Variants in DMD observed in about 807,000 individuals in gnomAD.
DMD encodes dystrophin, also known as mutant dystrophin.
In DMD, 63 loss-of-function variants were observed where a neutral mutation model predicts 330.1. The observed-to-expected ratio is 0.19, with a 90% CI of 0.16 to 0.24. The LOEUF (loss-of-function observed/expected upper bound fraction) is 0.24. Ranked by LOEUF, DMD falls within the 10% of genes least tolerant of loss-of-function variation. The pLI, the probability that DMD is intolerant of heterozygous loss-of-function variation, is 1.00. For synonymous variants in DMD, 1,223 were observed against 959.8 expected (o/e 1.27, Z -5.07); for missense variants, 3,344 against 2,684.1 (o/e 1.25, Z -5.43).
In DMD at chrX:32,579,744, G is replaced by A. The variant is rs1307701182; in HGVS notation, c.1603-5898C>T. On this transcript the variant is annotated intron_variant, in intron 13 of 78. Coordinates refer to ENST00000357033, the MANE Select transcript of DMD (RefSeq NM_004006.3). Reference sequence around the variant, plus strand: ...AATCATAAAACGTCAGCAAATACTTGCACTTCCAGATTAAGAACATGTGGC... The same window carrying A: ...AATCATAAAACGTCAGCAAATACTTACACTTCCAGATTAAGAACATGTGGC... Among the ~76,000 whole-genome samples the A allele has an allele frequency of 4.0e-4, 45 of 112,758 alleles. No individual in the cohort carries two copies. The Admixed American group carries it at 4.2e-3, about 11-fold the overall frequency.
intron 1 of DMD, among the ~76,000 whole-genome samples, chrX:33,199,598 G>A (rs775058350): frequency 4.5e-5 from 5 of 111,435 alleles, no homozygotes; most frequent in Non-Finnish European, 9.4e-5. Context: ...TAAGCTAGAG[G>A]TATAACTTGG....
intron 2 of DMD, among the ~76,000 whole-genome samples, chrX:33,019,383 T>C (rs1853158983): frequency 9.0e-6 from 1 of 111,657 alleles, no homozygotes; most frequent in African/African-American, 3.2e-5. Context: ...GCAATCAATA[T>C]ATACATATAC....
chrX:32,046,304 A>T (rs149598369), intron 44 of DMD, among the ~76,000 whole-genome samples: 1,147 of 112,558 alleles, frequency 0.01, 6 homozygotes, highest in Non-Finnish European at 0.014. Context: ...TCACTGGAAG[A>T]ACATGGATTC....
At chrX:31,597,265 T>C (rs1392659319) in intron 55 of DMD, among the ~76,000 whole-genome samples, 1 of 111,936 alleles carries the variant, frequency 8.9e-6, no homozygotes, top group Non-Finnish European at 1.9e-5. Context: ...GAAATAATAA[T>C]GGTGCTATGA....
At chrX:31,360,855 G>A (rs752615863) in intron 60 of DMD, among the ~76,000 whole-genome samples, 86 of 112,027 alleles carry the variant, frequency 7.7e-4, no homozygotes, top group South Asian at 1.5e-3. Context: ...CCATAGCTGG[G>A]GCAAAAACAA....
intron 44 of DMD, among the ~76,000 whole-genome samples, chrX:32,028,522 A>G (rs1246055803): frequency 8.9e-6 from 1 of 111,865 alleles, no homozygotes; most frequent in Admixed American, 9.5e-5. Context: ...AGACTTAGGC[A>G]GTACATGTTC....
intron 55 of DMD, among the ~76,000 whole-genome samples, chrX:31,520,995 A>G (rs1035737745): frequency 3.6e-5 from 4 of 110,910 alleles, no homozygotes. Flanking sequence ...GCTCTTTTCA[A>G]CTGAGAACAA....
In DMD at chrX:32,906,000, A is replaced by G. The variant is rs999568560; in HGVS notation, c.94-56180T>C. ...AGTGAATGAATGAATGAGTTAATGA[A>G]TAACTGTCTGATTGCTCAGAAAACG... On this transcript the variant is annotated intron_variant, in intron 2 of 78. Transcript: ENST00000357033. Among the ~76,000 whole-genome samples the G allele has an allele frequency of 2.4e-4, 27 of 112,252 alleles. No individual in the cohort carries two copies. In the Admixed American group the frequency reaches 2.4e-3, roughly 10 times the overall value.
intron 49 of DMD, among the ~76,000 whole-genome samples, chrX:31,823,026 T>C (rs949227009): frequency 6.3e-5 from 7 of 110,735 alleles, no homozygotes; most frequent in African/African-American, 2.3e-4. Flanking sequence ...AAAAATCAAA[T>C]GTTTAGCCAA....
chrX:31,478,264 T>C lies in DMD; in HGVS notation c.8779A>G (p.Arg2927Gly), dbSNP rs749687470. The C allele has an allele frequency of 8.3e-7, 1 of 1,211,636 alleles. No individual in the cohort carries two copies. Among genetic ancestry groups the C allele is most frequent in the Admixed American group, 2.2e-5 (1 of 45,982 alleles). ...CTTTCAAGGGTCTCATCTATTTTTC[T>C]CTGCCAGTCAGCGGAGTGCAGGTTC... ...KLNLHSADWQ[R>G]KIDETLERLR... The change falls in exon 59 of 79, where the codon AGA becomes GGA. Residue 2927 changes from arginine (R) to glycine (G), a missense_variant. Transcript: ENST00000357033.
intron 7 of DMD, among the ~76,000 whole-genome samples, chrX:32,755,475 G>C (rs1375382596): frequency 9.0e-6 from 1 of 111,640 alleles, no homozygotes; most frequent in African/African-American, 3.3e-5. Context: ...AATTCTAATA[G>C]ATGAAAAGTT....
chrX:31,148,494 C>G (rs2036997939), intron 74 of DMD, among the ~76,000 whole-genome samples: 1 of 112,307 alleles, frequency 8.9e-6, no homozygotes, highest in African/African-American at 3.2e-5. Flanking sequence ...CTATTATAAA[C>G]AATGATACAA....
intron 60 of DMD, among the ~76,000 whole-genome samples, chrX:31,359,747 C>T (rs992453272): frequency 1.8e-5 from 2 of 111,954 alleles, no homozygotes; most frequent in Non-Finnish European, 3.8e-5. Flanking sequence ...TAACTAACTA[C>T]TTGAAAGAAT....
intron 52 of DMD, among the ~76,000 whole-genome samples, chrX:31,690,075 T>C (rs1340353603): frequency 1.8e-5 from 2 of 111,814 alleles, no homozygotes; most frequent in African/African-American, 6.5e-5. Flanking sequence ...ACTTCATGTC[T>C]AAAACACCAA....
intron 71 of DMD, among the ~76,000 whole-genome samples, chrX:31,176,687 G>A (rs2040540163): frequency 1.8e-5 from 2 of 111,202 alleles, no homozygotes; most frequent in Non-Finnish European, 1.9e-5. Context: ...CCTGGGTTAG[G>A]AAACACAATT....
chrX:32,649,540 A>T (rs2059999392), intron 9 of DMD, among the ~76,000 whole-genome samples: 1 of 98,620 alleles, frequency 1.0e-5, no homozygotes, highest in Admixed American at 1.1e-4. Context: ...TGGGCAAAAC[A>T]GCAAGACTCC....
chrX:31,977,440 C>T (rs1001013597), intron 44 of DMD, among the ~76,000 whole-genome samples: 1 of 110,862 alleles, frequency 9.0e-6, no homozygotes, highest in Non-Finnish European at 1.9e-5. Context: ...CCTAGAAATA[C>T]GATAAAGAGG....
intron 12 of DMD, among the ~76,000 whole-genome samples, chrX:32,602,160 T>C (rs1012495959): frequency 1.1e-4 from 12 of 111,821 alleles, no homozygotes; most frequent in African/African-American, 3.9e-4. Flanking sequence ...TTACACTACA[T>C]TAATAAAAGT....
chrX:31,252,419 G>T (rs1439561386), intron 63 of DMD, among the ~76,000 whole-genome samples: 3 of 111,916 alleles, frequency 2.7e-5, no homozygotes, highest in Non-Finnish European at 3.8e-5. Context: ...TCTGGACTTG[G>T]TTCCTTATCT....
Sources: allele counts gnomAD v4.1 joint callset (sites outside exome capture counted in the v4.1 genomes callset), GRCh38; gene constraint gnomAD v4.1.1; transcripts MANE v1.5; gene names NCBI Gene and HGNC (gene_info 2026-07-23, HGNC 2026-07-21).